The following MKRN3 variants were observed in gnomAD, a reference collection of about 807,000 sequenced individuals.
MKRN3 encodes E3 ubiquitin-protein ligase makorin-3.
For synonymous variants in MKRN3, 301 were observed against 250.2 expected, an observed-to-expected ratio of 1.20 and a Z score of -1.91; for missense variants, 749 against 667.0, an observed-to-expected ratio of 1.12 and a Z score of -1.35.
At position 23,566,192 on chromosome 15, in the gene MKRN3, C is replaced by A. The variant is rs547482089; in HGVS notation, c.410C>A (p.Ala137Asp). The stretch of plus-strand genomic sequence containing the variant: ...GAGGGTGGCGTTTCGCCGCCTGGGG[C>A]CTCTGCAGGTGGAGGCCCTAGCACG... ...ATEGGVSPPG[A>D]SAGGGPSTAA... The change falls in exon 1 of 1, where the codon GCC (alanine) becomes GAC (aspartate). Residue 137 changes from alanine (A) to aspartate (D), a missense_variant. Coordinates refer to ENST00000314520, the MANE Select transcript of MKRN3 (RefSeq NM_005664.4). 9.9e-6 allele frequency: 16 copies of A among 1,613,756 alleles called. No individual in the cohort carries two copies. Among genetic ancestry groups the A allele is most frequent in the Non-Finnish European group, 1.4e-5 (16 of 1,180,022 alleles).
Position 23,567,583 on chromosome 15 carries a change from T to TC in MKRN3, c.*277_*278insC. ...CAACAGGATTAACTCAGTTCTAGTG[T>TC]AGTGTTTACTGAATTTCCACACTTA... On this transcript the variant is annotated 3_prime_UTR_variant, in exon 1 of 1. Coordinates refer to ENST00000314520, the MANE Select transcript of MKRN3 (RefSeq NM_005664.4). 8.1e-7 allele frequency: 1 copy of TC among 1,239,676 alleles called. No individual in the cohort carries two copies. The highest frequency in any genetic ancestry group is 1.0e-6 in the Non-Finnish European group (1 of 980,204). The allele number at this position is 1,239,676 out of a possible 1,614,324, so 76.8% of individuals were successfully genotyped here. A position where few individuals can be genotyped will look rare whatever the true frequency, so the allele number is the denominator to read the frequency against.
Position 23,567,491 on chromosome 15 carries a change from A to C in MKRN3, c.*185A>C. 1 of 1,431,044 alleles carries C rather than the reference A, an allele frequency of 7.0e-7. No homozygotes were observed. The highest frequency in any genetic ancestry group is 9.2e-7 in the Non-Finnish European group (1 of 1,091,382). The allele number at this position is 1,431,044 out of a possible 1,614,324, so 88.6% of individuals were successfully genotyped here. On this transcript the variant is annotated 3_prime_UTR_variant, in exon 1 of 1. Transcript: ENST00000314520. Reference sequence around the variant, plus strand: ...TATCTGTGTTAAAAAATAAGTCCTTAAAGTTACTGTTTTGGTGAAATTAAT... The same window carrying C: ...TATCTGTGTTAAAAAATAAGTCCTTCAAGTTACTGTTTTGGTGAAATTAAT...
rs752762354 is a variant in MKRN3 at position 23,566,165 on chromosome 15, C to T, written c.383C>T (p.Thr128Ile). Reference sequence around the variant, plus strand: ...GACCTTTCTGGTCGGAAGATGGCCACTGAGGGTGGCGTTTCGCCGCCTGGG... The same window carrying T: ...GACCTTTCTGGTCGGAAGATGGCCATTGAGGGTGGCGTTTCGCCGCCTGGG... ...SHDLSGRKMATEGGVSPPGAS... is the reference protein window; with the variant it reads ...SHDLSGRKMAIEGGVSPPGAS... Residue 128 changes from threonine (T) to isoleucine (I), a missense_variant, in exon 1 of 1, where the codon ACT becomes ATT. Physicochemically the swap from Thr to Ile is moderately conservative, Grantham distance 89. Transcript: ENST00000314520. The T allele has an allele frequency of 5.0e-6, 8 of 1,613,890 alleles. No individual in the cohort carries two copies. Among genetic ancestry groups the T allele is most frequent in the South Asian group, 1.1e-5 (1 of 91,092 alleles).
Position 23,566,583 on chromosome 15 carries a change from C to G in MKRN3, c.801C>G (p.Asp267Glu). The G allele has an allele frequency of 6.2e-7, 1 of 1,614,146 alleles. No individual in the cohort carries two copies. The highest frequency in any genetic ancestry group is 8.5e-7 in the Non-Finnish European group (1 of 1,180,028). ...TGTACCTCCATGGAGACATATGCGA[C>G]ATGTGTGGGCTGCAGACCTTGCACC... ...SCMYLHGDICDMCGLQTLHPM... is the reference protein window; with the variant it reads ...SCMYLHGDICEMCGLQTLHPM... Residue 267 changes from aspartate (D) to glutamate (E), a missense_variant, in exon 1 of 1, where the codon GAC becomes GAG. Coordinates refer to ENST00000314520, the MANE Select transcript of MKRN3 (RefSeq NM_005664.4).
In MKRN3 at chr15:23,567,881, A is replaced by T. The variant is rs1459525454; in HGVS notation, c.*575A>T. 1 of 892,332 alleles carries T rather than the reference A, an allele frequency of 1.1e-6. No homozygotes were observed. The highest frequency in any genetic ancestry group is 1.4e-6 in the Non-Finnish European group (1 of 732,624). The allele number at this position is 892,332 out of a possible 1,614,324, so 55.3% of individuals were successfully genotyped here. ...TTTAGCTTGACATGAAATAATTTAT[A>T]TTTGGAAATATATATTTAAGAATTA... On this transcript the variant is annotated 3_prime_UTR_variant, in exon 1 of 1. Coordinates refer to ENST00000314520, the MANE Select transcript of MKRN3 (RefSeq NM_005664.4).
At position 23,565,892 on chromosome 15, in the gene MKRN3, C is replaced by T. The variant is rs764711642; in HGVS notation, c.110C>T (p.Pro37Leu). The change falls in exon 1 of 1, where the codon CCC (proline) becomes CTC (leucine). Residue 37 changes from proline (P) to leucine (L), a missense_variant. By Grantham distance (98) the Pro-to-Leu change is moderately conservative. Transcript: ENST00000314520. ...GGGCCGGACCTTCCCGTCTGTGAGC[C>T]CTCCGGGGAATCTGCTGCTCCAGAT... Reference protein sequence around the residue: ...VSGPDLPVCEPSGESAAPDSA... With the variant: ...VSGPDLPVCELSGESAAPDSA... 1.2e-6 allele frequency: 2 copies of T among 1,613,854 alleles called. No individual in the cohort carries two copies. Among genetic ancestry groups the T allele is most frequent in the Non-Finnish European group, 8.5e-7 (1 of 1,179,940 alleles).
chr15:23,567,487 C>G lies in MKRN3; in HGVS notation c.*181C>G. ...TGATTATCTGTGTTAAAAAATAAGT[C>G]CTTAAAGTTACTGTTTTGGTGAAAT... is the stretch of plus-strand genomic sequence containing the variant. On this transcript the variant is annotated 3_prime_UTR_variant, in exon 1 of 1. Transcript: ENST00000314520. 7.0e-7 allele frequency: 1 copy of G among 1,431,280 alleles called. No individual in the cohort carries two copies. 88.7% of individuals were successfully genotyped at this position (1,431,280 alleles called of 1,614,324 possible).
In MKRN3 at chr15:23,565,778, C is replaced by G. The variant is rs1368872364; in HGVS notation, c.-5C>G. On this transcript the variant is annotated 5_prime_UTR_variant, in exon 1 of 1. Coordinates refer to ENST00000314520, the MANE Select transcript of MKRN3 (RefSeq NM_005664.4). ...CTGGCACCATTTCGGGGTGCCAAAGCAGCCATGGAAGAGCCTGCAGCTCCC... is the reference window on the plus strand; with the variant it reads ...CTGGCACCATTTCGGGGTGCCAAAGGAGCCATGGAAGAGCCTGCAGCTCCC... 1 of 1,581,002 alleles carries G rather than the reference C, an allele frequency of 6.3e-7. No homozygotes were observed. Among genetic ancestry groups the G allele is most frequent in the Non-Finnish European group, 8.6e-7 (1 of 1,159,804 alleles).
rs151216955 is a variant in MKRN3, at chr15:23,565,897, G to C, written c.115G>C (p.Gly39Arg). The C allele has an allele frequency of 6.2e-7, 1 of 1,613,698 alleles. No homozygotes were observed. The highest frequency in any genetic ancestry group is 1.3e-5 in the African/African-American group (1 of 74,928). Reference protein sequence around the residue: ...GPDLPVCEPSGESAAPDSALP... With the variant: ...GPDLPVCEPSRESAAPDSALP... ...GGACCTTCCCGTCTGTGAGCCCTCC[G>C]GGGAATCTGCTGCTCCAGATTCAGC... The change falls in exon 1 of 1, where the codon GGG (glycine) becomes CGG (arginine). Residue 39 changes from glycine (G) to arginine (R), a missense_variant. Coordinates refer to ENST00000314520, the MANE Select transcript of MKRN3 (RefSeq NM_005664.4).
Position 23,566,823 on chromosome 15 carries a change from G to C in MKRN3, c.1041G>C (p.Trp347Cys). 1 of 1,614,208 alleles carries C rather than the reference G, an allele frequency of 6.2e-7. No homozygotes were observed. Among genetic ancestry groups the C allele is most frequent in the Non-Finnish European group, 8.5e-7 (1 of 1,180,050 alleles). Residue 347 changes from tryptophan (W) to cysteine (C), a missense_variant, in exon 1 of 1, where the codon TGG (tryptophan) becomes TGC (cysteine). By Grantham distance (215) the Trp-to-Cys change is radical (BLOSUM62 -2). Coordinates refer to ENST00000314520, the MANE Select transcript of MKRN3 (RefSeq NM_005664.4). The part of the protein sequence containing the change: ...HSFCIRCIRR[W>C]RSARQFENRI... Reference sequence around the variant, plus strand: ...TCTGTATTAGGTGTATCCGCAGGTGGAGAAGTGCCAGACAGTTTGAGAACA... The same window carrying C: ...TCTGTATTAGGTGTATCCGCAGGTGCAGAAGTGCCAGACAGTTTGAGAACA...
rs1889111317 is a variant in MKRN3, at chr15:23,566,973, C to G, written c.1191C>G (p.Asn397Lys). The G allele has an allele frequency of 6.2e-7, 1 of 1,614,224 alleles. No individual in the cohort carries two copies. Among genetic ancestry groups the G allele is most frequent in the Non-Finnish European group, 8.5e-7 (1 of 1,180,042 alleles). Reference sequence around the variant, plus strand: ...AGCAATACAAGGAGGCAATGAGCAACAAGGCCTGCAGGTATTTTGCGGAAG... The same window carrying G: ...AGCAATACAAGGAGGCAATGAGCAAGAAGGCCTGCAGGTATTTTGCGGAAG... The part of the protein sequence containing the change: ...LIQQYKEAMS[N>K]KACRYFAEGR... The change falls in exon 1 of 1, where the codon AAC (asparagine) becomes AAG (lysine). Residue 397 changes from asparagine to lysine, a missense_variant. By Grantham distance (94) the Asn-to-Lys change is moderately conservative (BLOSUM62 0). Transcript: ENST00000314520.
rs757192830 is a variant in MKRN3 at position 23,566,223 on chromosome 15, G to A, written c.441G>A (p.Ala147=). ...ASAGGGPSTA[A]HIEPPTQEVA... ...CAGGTGGAGGCCCTAGCACGGCTGC[G>A]CACATCGAGCCCCCGACTCAGGAAG... The change falls in exon 1 of 1, where the codon GCG becomes GCA. Residue 147 remains alanine, a synonymous_variant. Transcript: ENST00000314520. 31 of 1,613,444 alleles carry A rather than the reference G, an allele frequency of 1.9e-5. No individual in the cohort carries two copies. The highest frequency in any genetic ancestry group is 2.2e-5 in the East Asian group (1 of 44,890).
rs1341508353 is a variant in MKRN3 at position 23,565,830 on chromosome 15, C to T, written c.48C>T (p.Ala16=). Residue 16 remains alanine, a synonymous_variant, in exon 1 of 1, where the codon GCC becomes GCT. Transcript: ENST00000314520. ...CAGAAGCCCACGAGGCAGCCGGGGC[C>T]CAGGCAGGTGCTGAGGCAGCAAGGG... ...APSEAHEAAG[A]QAGAEAAREG... is the part of the protein sequence containing the mutation. 2 of 1,612,346 alleles carry T rather than the reference C, an allele frequency of 1.2e-6. No individual in the cohort carries two copies. Among genetic ancestry groups the T allele is most frequent in the Non-Finnish European group, 1.7e-6 (2 of 1,178,844 alleles).
Position 23,567,209 on chromosome 15 carries a change from A to G in MKRN3, c.1427A>G (p.Lys476Arg). The change falls in exon 1 of 1, where the codon AAG (lysine) becomes AGG (arginine). Residue 476 changes from lysine (K) to arginine (R), a missense_variant. Coordinates refer to ENST00000314520, the MANE Select transcript of MKRN3 (RefSeq NM_005664.4). ...CTTCGGCTGGCCAGTCTGTTGTTTA[A>G]GCGGTTTCTTTCACTGAGAGATGAG... ...VVLRLASLLFKRFLSLRDELP... is the reference protein window; with the variant it reads ...VVLRLASLLFRRFLSLRDELP... 6.2e-7 allele frequency: 1 copy of G among 1,614,262 alleles called. No individual in the cohort carries two copies. The highest frequency in any genetic ancestry group is 1.1e-5 in the South Asian group (1 of 91,088).
Position 23,567,645 on chromosome 15 carries a change from AAGG to A in MKRN3, c.*342_*344del, listed in dbSNP as rs1034331081. 2 of 1,098,778 alleles carry A rather than the reference AAGG, an allele frequency of 1.8e-6. No homozygotes were observed. The highest frequency in any genetic ancestry group is 2.2e-6 in the Non-Finnish European group (2 of 892,726). The allele number at this position is 1,098,778 out of a possible 1,614,324, so 68.1% of individuals were successfully genotyped here. On this transcript the variant is annotated 3_prime_UTR_variant, in exon 1 of 1. Transcript: ENST00000314520. ...CTCAAGAGTAAATGTGGCAGAGTGA[AAGG>A]AGAAGTTTTAATTGAACTAGTAGCT...
chr15:23,565,820 C>T lies in MKRN3; in HGVS notation c.38C>T (p.Ala13Val), dbSNP rs1889071220. 8 of 1,609,854 alleles carry T rather than the reference C, an allele frequency of 5.0e-6. No individual in the cohort carries two copies. Among genetic ancestry groups the T allele is most frequent in the Non-Finnish European group, 5.9e-6 (7 of 1,177,234 alleles). Residue 13 changes from alanine (A) to valine (V), a missense_variant, in exon 1 of 1, where the codon GCA (alanine) becomes GTA (valine). Physicochemically the swap from Ala to Val is moderately conservative, Grantham distance 64 (BLOSUM62 0). Transcript: ENST00000314520. ...EPAAPSEAHE[A>V]AGAQAGAEAA... ...GCAGCTCCCTCAGAAGCCCACGAGG[C>T]AGCCGGGGCCCAGGCAGGTGCTGAG...
In MKRN3 at chr15:23,566,520, T is replaced by C. The variant is rs1253091455; in HGVS notation, c.738T>C (p.Tyr246=). The change falls in exon 1 of 1, where the codon TAT becomes TAC. Residue 246 remains tyrosine (Y), a synonymous_variant. Transcript: ENST00000314520. ...AVGSGLRFCY[Y]ASRGVCFRGE... is the part of the protein sequence containing the mutation. ...GCAGTGGGTTGCGGTTTTGCTATTA[T>C]GCTTCCAGGGGAGTTTGCTTTCGTG... 15 of 1,614,216 alleles carry C rather than the reference T, an allele frequency of 9.3e-6. No homozygotes were observed. The highest frequency in any genetic ancestry group is 1.3e-5 in the Non-Finnish European group (15 of 1,180,048).
At position 23,567,253 on chromosome 15, in the gene MKRN3, C is replaced by A; in HGVS notation, c.1471C>A (p.Gln491Lys). ...LRDELPFSEDQWDLLHYELEE... is the reference protein window; with the variant it reads ...LRDELPFSEDKWDLLHYELEE... Reference sequence around the variant, plus strand: ...AGATGAGTTACCCTTCTCTGAGGACCAGTGGGACTTGCTTCATTATGAGCT... The same window carrying A: ...AGATGAGTTACCCTTCTCTGAGGACAAGTGGGACTTGCTTCATTATGAGCT... Residue 491 changes from glutamine (Q) to lysine (K), a missense_variant, in exon 1 of 1, where the codon CAG becomes AAG. By Grantham distance (53) the Gln-to-Lys change is moderately conservative (BLOSUM62 1). Transcript: ENST00000314520. The A allele has an allele frequency of 6.2e-7, 1 of 1,614,210 alleles. No individual in the cohort carries two copies. Among genetic ancestry groups the A allele is most frequent in the Non-Finnish European group, 8.5e-7 (1 of 1,180,030 alleles).
chr15:23,565,769 G>T lies in MKRN3; in HGVS notation c.-14G>T, dbSNP rs1487686119. ...GGAGAGGTTCTGGCACCATTTCGGGGTGCCAAAGCAGCCATGGAAGAGCCT... is the reference window on the plus strand; with the variant it reads ...GGAGAGGTTCTGGCACCATTTCGGGTTGCCAAAGCAGCCATGGAAGAGCCT... On this transcript the variant is annotated 5_prime_UTR_variant, in exon 1 of 1. Transcript: ENST00000314520. 1 of 1,571,486 alleles carries T rather than the reference G, an allele frequency of 6.4e-7. No individual in the cohort carries two copies. The highest frequency in any genetic ancestry group is 8.7e-7 in the Non-Finnish European group (1 of 1,155,018).
Sources: gnomAD v4.1 joint callset for allele counts on GRCh38, gnomAD v4.1.1 for gene constraint, MANE v1.5 for transcripts, NCBI Gene and HGNC (gene_info 2026-07-23, HGNC 2026-07-21) for gene names.